EPHB1: variants seen among roughly 807,000 people sequenced by gnomAD.
EPHB1 encodes ephrin type-B receptor 1.
In EPHB1, 30 loss-of-function variants were observed where a neutral mutation model predicts 94.4. The ratio of observed to expected loss-of-function variants is 0.32; its 90% confidence interval spans 0.24 to 0.43. The LOEUF (loss-of-function observed/expected upper bound fraction) is 0.43. EPHB1 is among the 20% of genes least tolerant of loss of function. EPHB1 has a pLI of 1.00. For missense variants in EPHB1, 1,055 were observed against 1,308.3 expected (o/e 0.81, Z 2.99); for synonymous variants, 522 against 489.1 (o/e 1.07, Z -0.89).
intron 2 of EPHB1, among the ~76,000 whole-genome samples, chr3:134,932,860 T>C (rs895224527): frequency 6.6e-6 from 1 of 152,176 alleles, no homozygotes; most frequent in Non-Finnish European, 1.5e-5. Flanking sequence ...CACATTTGAA[T>C]TTCAGGACAT....
intron 3 of EPHB1, among the ~76,000 whole-genome samples, chr3:135,002,541 T>C (rs1015854827): frequency 6.6e-6 from 1 of 151,690 alleles, no homozygotes; most frequent in African/African-American, 2.4e-5. Context: ...TGGTACCAGT[T>C]CCTCCTTGTA....
chr3:135,030,814 TC>T (rs1273784401), intron 3 of EPHB1, among the ~76,000 whole-genome samples: 2 of 152,068 alleles, frequency 1.3e-5, no homozygotes, highest in African/African-American at 4.8e-5. Context: ...TGGGCGCCCC[TC>T]CCCCAGCCTC....
At chr3:134,920,111 G>C (rs2107699376) in intron 1 of EPHB1, among the ~76,000 whole-genome samples, 1 of 152,168 alleles carries the variant, frequency 6.6e-6, no homozygotes, top group Non-Finnish European at 1.5e-5. Context: ...GTTCTGTGTG[G>C]CTGCAAGCTC....
intron 6 of EPHB1, among the ~76,000 whole-genome samples, chr3:135,158,763 A>G (rs767637429): frequency 1.3e-4 from 19 of 151,370 alleles, no homozygotes; most frequent in African/African-American, 4.6e-4. Context: ...AGCACTTTTC[A>G]CTCCTGGTGT....
intron 4 of EPHB1, among the ~76,000 whole-genome samples, chr3:135,126,181 T>C (rs979539276): frequency 2.0e-5 from 3 of 152,334 alleles, no homozygotes; most frequent in South Asian, 4.1e-4. Flanking sequence ...AAAGTTGATA[T>C]TGAAGTACAT....
intron 1 of EPHB1, among the ~76,000 whole-genome samples, chr3:134,903,448 A>ACGTC (rs1409163092): frequency 4.7e-4 from 71 of 152,344 alleles, no homozygotes; most frequent in Admixed American, 1.6e-3. Flanking sequence ...AGCTTGCCTC[A>ACGTC]AGGCCTAGGA....
chr3:134,799,352 C>T (rs2035891728), intron 1 of EPHB1, among the ~76,000 whole-genome samples: 1 of 152,198 alleles, frequency 6.6e-6, no homozygotes, highest in Admixed American at 6.5e-5. Flanking sequence ...CTTGAGCCTA[C>T]AAGCAGTAGC....
chr3:135,108,284 AG>A (rs1185869687), intron 4 of EPHB1, among the ~76,000 whole-genome samples: 1 of 152,244 alleles, frequency 6.6e-6, no homozygotes, highest in African/African-American at 2.4e-5. Context: ...TCATTTGACA[AG>A]GCTATAAAAC....
chr3:135,230,288 C>T (rs1576485510), intron 12 of EPHB1, among the ~76,000 whole-genome samples: 1 of 152,280 alleles, frequency 6.6e-6, no homozygotes, highest in East Asian at 1.9e-4. Context: ...CCCTCCCCAC[C>T]TGCCTTGGAG....
At chr3:134,926,865 A>G (rs569004136) in intron 2 of EPHB1, among the ~76,000 whole-genome samples, 8 of 152,324 alleles carry the variant, frequency 5.3e-5, no homozygotes, top group African/African-American at 1.9e-4. Context: ...AATCAAGTTA[A>G]AATAGGATAT....
chr3:135,066,666 A>G (rs1937584396), intron 3 of EPHB1, among the ~76,000 whole-genome samples: 1 of 152,134 alleles, frequency 6.6e-6, no homozygotes, highest in Admixed American at 6.5e-5. Context: ...TTGGATTAGC[A>G]TAATAACTAA....
intron 11 of EPHB1, among the ~76,000 whole-genome samples, chr3:135,196,503 A>G (rs780338178): frequency 1.3e-5 from 2 of 152,180 alleles, no homozygotes; most frequent in Non-Finnish European, 2.9e-5. Context: ...CTCACACTGC[A>G]TGGAGGCAGG....
chr3:135,078,791 A>G (rs1481185073), intron 3 of EPHB1, among the ~76,000 whole-genome samples: 1 of 152,240 alleles, frequency 6.6e-6, no homozygotes, highest in African/African-American at 2.4e-5. Context: ...AAATTTTAAC[A>G]TCTCTCATAT....
intron 3 of EPHB1, among the ~76,000 whole-genome samples, chr3:135,008,355 C>A (rs1935498219): frequency 6.6e-6 from 1 of 152,160 alleles, no homozygotes; most frequent in South Asian, 2.1e-4. Flanking sequence ...GATGAGGATG[C>A]TGAAGCACAG....
intron 1 of EPHB1, among the ~76,000 whole-genome samples, 167 bp downstream of exon 1, chr3:134,795,856 G>T (rs2035814078): frequency 6.6e-6 from 1 of 152,200 alleles, no homozygotes; most frequent in African/African-American, 2.4e-5. Flanking sequence ...CGGGGCTTGG[G>T]CGGCACCCAC....
rs374549505 is a variant in EPHB1 at position 135,248,428 on chromosome 3, G to A, written c.2609G>A (p.Arg870Gln). The A allele has an allele frequency of 3.2e-5, 51 of 1,613,772 alleles. No homozygotes were observed. Among genetic ancestry groups the A allele is most frequent in the African/African-American group, 2.7e-4 (20 of 74,908 alleles). The change falls in exon 14 of 16, where the codon CGG (arginine) becomes CAG (glutamine). Residue 870 changes from arginine to glutamine, a missense_variant. By Grantham distance (43) the Arg-to-Gln change is conservative. Transcript: ENST00000398015. The part of the protein sequence containing the change: ...CWQKDRNSRP[R>Q]FAEIVNTLDK... ...CAGAAGGACCGGAACAGCCGGCCCC[G>A]GTTTGCGGAGATTGTCAACACCCTA... is the stretch of plus-strand genomic sequence containing the variant.
chr3:135,074,898 G>A (rs988154035), intron 3 of EPHB1, among the ~76,000 whole-genome samples: 2 of 152,198 alleles, frequency 1.3e-5, no homozygotes, highest in Admixed American at 1.3e-4. Context: ...GAAATGAGGA[G>A]TGAGACCCAC....
chr3:135,008,491 A>C (rs1935504492), intron 3 of EPHB1, among the ~76,000 whole-genome samples: 1 of 152,188 alleles, frequency 6.6e-6, no homozygotes, highest in South Asian at 2.1e-4. Flanking sequence ...TGATATTATC[A>C]AATGAATTTC....
intron 15 of EPHB1, among the ~76,000 whole-genome samples, chr3:135,258,243 T>C (rs545205276): frequency 3.3e-5 from 5 of 152,198 alleles, no homozygotes; most frequent in African/African-American, 1.2e-4. Context: ...TCACTGTTAA[T>C]TAAATTTTTA....
Sources: gnomAD v4.1 joint callset for allele counts (sites outside exome capture counted in the v4.1 genomes callset) on GRCh38, gnomAD v4.1.1 for gene constraint, MANE v1.5 for transcripts, NCBI Gene and HGNC (gene_info 2026-07-23, HGNC 2026-07-21) for gene names.